Variants in BLTP3A observed in about 807,000 individuals in gnomAD.
The protein encoded by BLTP3A is ICBP90 binding protein 1.
the BLTP3A span, among the ~76,000 whole-genome samples, chr6:34,860,659 A>G: frequency 6.6e-6 from 1 of 152,238 alleles, no homozygotes; most frequent in Admixed American, 6.5e-5. Flanking sequence ...CCTATAAGGC[A>G]AGTATTAATA....
the BLTP3A span, among the ~76,000 whole-genome samples, chr6:34,862,984 C>A: frequency 4.0e-5 from 6 of 151,442 alleles, no homozygotes. Context: ...TCTCGGCTCA[C>A]TGCTGCCTCG....
the BLTP3A span, among the ~76,000 whole-genome samples, chr6:34,806,918 C>T: frequency 2.0e-5 from 3 of 152,174 alleles, no homozygotes; most frequent in Non-Finnish European, 4.4e-5. Context: ...CCTCGGCCTC[C>T]CAAAGTGCTG....
At chr6:34,857,515 C>T in the BLTP3A span, 2 of 1,595,716 alleles carry the variant, frequency 1.3e-6, no homozygotes, top group Middle Eastern at 1.7e-4. Flanking sequence ...TCATGCTTTT[C>T]CCATTTGTCA....
the BLTP3A span, among the ~76,000 whole-genome samples, chr6:34,842,319 A>G: frequency 2.0e-5 from 3 of 152,078 alleles, no homozygotes; most frequent in Admixed American, 1.3e-4. Context: ...ACAATATATA[A>G]CTCAGTGTAT....
At chr6:34,792,247 C>G in the BLTP3A span, 2 of 1,537,236 alleles carry the variant, frequency 1.3e-6, no homozygotes, top group Non-Finnish European at 1.8e-6. Context: ...GCCGCGGCTC[C>G]GGCATGGCCG....
the BLTP3A span, among the ~76,000 whole-genome samples, chr6:34,815,745 C>G: frequency 1.3e-5 from 2 of 151,478 alleles, no homozygotes; most frequent in African/African-American, 4.8e-5. Context: ...CAGGTTCAAG[C>G]GATTCTCATG....
At chr6:34,824,386 A>C in the BLTP3A span, among the ~76,000 whole-genome samples, 1 of 151,432 alleles carries the variant, frequency 6.6e-6, no homozygotes, top group East Asian at 2.0e-4. Context: ...TAAAAACTCC[A>C]TTTCTACTAA....
At chr6:34,859,707 A>T in the BLTP3A span, 1 of 1,312,058 alleles carries the variant, frequency 7.6e-7, no homozygotes, top group Admixed American at 2.3e-5. Flanking sequence ...AGAATGGCCT[A>T]TTTAATGGGC....
the BLTP3A span, among the ~76,000 whole-genome samples, chr6:34,847,927 T>TTTTTTTTTA: frequency 7.5e-6 from 1 of 134,024 alleles, no homozygotes; most frequent in African/African-American, 3.0e-5. Flanking sequence ...TTTCCTTTTT[T>TTTTTTTTTA]TTTTTTTTTT....
At chr6:34,854,644 G>T in the BLTP3A span, among the ~76,000 whole-genome samples, 1 of 152,178 alleles carries the variant, frequency 6.6e-6, no homozygotes, top group Non-Finnish European at 1.5e-5. Context: ...ATTATGAAGA[G>T]TTGAGAAACA....
chr6:34,863,107 A>T, the BLTP3A span, among the ~76,000 whole-genome samples: 2 of 151,914 alleles, frequency 1.3e-5, no homozygotes, highest in Non-Finnish European at 2.9e-5. Flanking sequence ...AGGTTTTGCC[A>T]TGTTGCCCAG....
chr6:34,866,630 G>A, the BLTP3A span, among the ~76,000 whole-genome samples: 2 of 152,116 alleles, frequency 1.3e-5, no homozygotes, highest in Non-Finnish European at 2.9e-5. Flanking sequence ...GGATAGTTCA[G>A]TGACATTAAG....
chr6:34,871,953 C>T, the BLTP3A span: 1 of 1,602,744 alleles, frequency 6.2e-7, no homozygotes, highest in Non-Finnish European at 8.5e-7. Context: ...CAGTAGCTGC[C>T]CATAACCCTT....
the BLTP3A span, chr6:34,821,721 A>G: frequency 1.2e-6 from 2 of 1,614,192 alleles, no homozygotes; most frequent in South Asian, 1.1e-5. Context: ...CAGCTGACCA[A>G]CCTGGAGCTG....
At chr6:34,805,445 T>C in the BLTP3A span, among the ~76,000 whole-genome samples, 2 of 151,604 alleles carry the variant, frequency 1.3e-5, no homozygotes, top group African/African-American at 4.8e-5. Context: ...ATACAAACAT[T>C]AGCCAGGCAT....
chr6:34,833,184 C>G, the BLTP3A span, among the ~76,000 whole-genome samples: 1 of 152,074 alleles, frequency 6.6e-6, no homozygotes, highest in Non-Finnish European at 1.5e-5. Context: ...CAGGGTGCCA[C>G]CCACATAGAT....
chr6:34,849,159 C>T, the BLTP3A span, among the ~76,000 whole-genome samples: 3 of 151,756 alleles, frequency 2.0e-5, no homozygotes, highest in Non-Finnish European at 4.4e-5. Flanking sequence ...CCACTGCACC[C>T]GGCTAATTTT....
At chr6:34,794,032 A>C in the BLTP3A span, among the ~76,000 whole-genome samples, 66,510 of 151,830 alleles carry the variant, frequency 0.44, 16,362 homozygotes, top group African/African-American at 0.67. Context: ...TGGTGGTACA[A>C]GTCTGTAATC....
At chr6:34,833,694 C>T in the BLTP3A span, among the ~76,000 whole-genome samples, 320 of 151,864 alleles carry the variant, frequency 2.1e-3, 1 homozygote, top group African/African-American at 7.2e-3. Flanking sequence ...TTTGGGTGGC[C>T]GAGATGGGCA....
Sources: allele counts gnomAD v4.1 joint callset (sites outside exome capture counted in the v4.1 genomes callset), GRCh38; gene constraint gnomAD v4.1.1; transcripts MANE v1.5; gene names NCBI Gene and HGNC (gene_info 2026-07-23, HGNC 2026-07-21).